Variants in SLC4A10 observed in about 807,000 individuals in gnomAD.
SLC4A10 encodes the protein sodium-driven chloride bicarbonate exchanger.
Under a neutral mutation model 137.7 loss-of-function variants are expected in SLC4A10, and 42 were observed. That is an observed-to-expected ratio of 0.30 (90% CI 0.24 to 0.39). SLC4A10 has a LOEUF of 0.39. Among genes scored for constraint, SLC4A10 ranks in the 10% least tolerant of loss-of-function variants. SLC4A10 has a pLI of 1.00. For synonymous variants in SLC4A10, 474 were observed against 464.1 expected, an observed-to-expected ratio of 1.02 and a Z score of -0.27; for missense variants, 925 against 1,355.0, an observed-to-expected ratio of 0.68 and a Z score of 4.98.
At chr2:161,882,078 A>G (rs1240789179) in intron 9 of SLC4A10, among the ~76,000 whole-genome samples, 4 of 151,778 alleles carry the variant, frequency 2.6e-5, no homozygotes, top group Non-Finnish European at 5.9e-5. Flanking sequence ...TAAAATTCCC[A>G]ATAACAACTG....
At chr2:161,835,060 C>T (rs1352591741) in intron 3 of SLC4A10, among the ~76,000 whole-genome samples, 151 of 140,376 alleles carry the variant, frequency 1.1e-3, no homozygotes, top group African/African-American at 3.6e-3. Context: ...TTTTTTGAGA[C>T]GGAGTCTTGC....
intron 1 of SLC4A10, among the ~76,000 whole-genome samples, chr2:161,629,368 C>A: frequency 6.7e-6 from 1 of 149,144 alleles, no homozygotes; most frequent in African/African-American, 2.5e-5. Flanking sequence ...GTGTGTGTTG[C>A]ATCTTTTATG....
chr2:161,802,189 G>A (rs796454033), intron 2 of SLC4A10, among the ~76,000 whole-genome samples: 3 of 151,970 alleles, frequency 2.0e-5, no homozygotes, highest in Admixed American at 6.6e-5. Flanking sequence ...TTCAGCTTTC[G>A]GTTTGCCAGA....
intron 15 of SLC4A10, among the ~76,000 whole-genome samples, chr2:161,928,014 A>T (rs1416148270): frequency 6.6e-6 from 1 of 150,664 alleles, no homozygotes; most frequent in Non-Finnish European, 1.5e-5. Flanking sequence ...CAGCCATCCC[A>T]TTACTGGGTA....
intron 2 of SLC4A10, among the ~76,000 whole-genome samples, chr2:161,774,275 C>T (rs1446426711): frequency 6.6e-6 from 1 of 151,890 alleles, no homozygotes; most frequent in Non-Finnish European, 1.5e-5. Context: ...AAAATTATTT[C>T]TTCTACTTTC....
At chr2:161,968,790 A>C (rs1378297525) in intron 23 of SLC4A10, among the ~76,000 whole-genome samples, 1 of 152,250 alleles carries the variant, frequency 6.6e-6, no homozygotes, top group Non-Finnish European at 1.5e-5. Context: ...GCTTAGAATT[A>C]GTATTAAAAG....
chr2:161,947,396 A>T (rs1694010108), intron 16 of SLC4A10, among the ~76,000 whole-genome samples, 170 bp from the exon 17 acceptor site: 1 of 152,166 alleles, frequency 6.6e-6, no homozygotes, highest in African/African-American at 2.4e-5. Flanking sequence ...CTCACCACCC[A>T]TCCAAGTTGA....
intron 26 of SLC4A10, among the ~76,000 whole-genome samples, chr2:161,979,449 G>C (rs1026772650): frequency 1.3e-5 from 2 of 152,144 alleles, no homozygotes; most frequent in Non-Finnish European, 2.9e-5. Context: ...CTGACGTGAG[G>C]TTCAGACTAT....
chr2:161,778,073 T>G (rs2052590473), intron 2 of SLC4A10, among the ~76,000 whole-genome samples: 2 of 151,810 alleles, frequency 1.3e-5, no homozygotes, highest in African/African-American at 4.8e-5. Context: ...TAGCAAGTGC[T>G]TATAACATAA....
chr2:161,902,648 G>A (rs970398195), intron 12 of SLC4A10, among the ~76,000 whole-genome samples: 2 of 152,106 alleles, frequency 1.3e-5, no homozygotes, highest in Non-Finnish European at 2.9e-5. Flanking sequence ...TCTAATGGAA[G>A]CAATCACAGG....
rs554390952 is a variant in SLC4A10, at chr2:161,661,442, C to T, written c.48+36876C>T. Among the ~76,000 whole-genome samples the T allele has an allele frequency of 1.5e-3, 232 of 152,354 alleles. 1 individual carries two copies. Among genetic ancestry groups the T allele is most frequent in the African/African-American group, 4.5e-3 (187 of 41,570 alleles). On this transcript the variant is annotated intron_variant, in intron 1 of 26. Transcript: ENST00000446997. ...TGAGCCGAGATTGCACCACTGCACT[C>T]CAGCCTGGCAACAGAGCGAGACTGC...
At chr2:161,771,797 T>G (rs2051647249) in intron 2 of SLC4A10, among the ~76,000 whole-genome samples, 1 of 151,894 alleles carries the variant, frequency 6.6e-6, no homozygotes, top group Non-Finnish European at 1.5e-5. Flanking sequence ...ATTAGCTAAT[T>G]GTTACTAATG....
At chr2:161,940,551 A>G (rs967196846) in intron 15 of SLC4A10, among the ~76,000 whole-genome samples, 3 of 152,186 alleles carry the variant, frequency 2.0e-5, no homozygotes, top group Non-Finnish European at 4.4e-5. Flanking sequence ...CTAGCTCTGA[A>G]GCCGCGCGTC....
At chr2:161,687,491 T>A (rs1482452415) in intron 1 of SLC4A10, among the ~76,000 whole-genome samples, 2 of 152,228 alleles carry the variant, frequency 1.3e-5, no homozygotes, top group Non-Finnish European at 2.9e-5. Context: ...ATGTTTTTCA[T>A]TTTAATTGAC....
At chr2:161,915,694 A>G (rs1312803517) in intron 15 of SLC4A10, among the ~76,000 whole-genome samples, 1 of 152,166 alleles carries the variant, frequency 6.6e-6, no homozygotes, top group East Asian at 1.9e-4. Flanking sequence ...CAGTTCCTGC[A>G]CTTGCTTGTT....
intron 7 of SLC4A10, chr2:161,873,706 G>A: frequency 2.1e-6 from 1 of 467,282 alleles, no homozygotes; most frequent in East Asian, 3.6e-5. Context: ...GTGGGAGGAG[G>A]TGGGAATGGA....
At chr2:161,889,138 TTGA>T (rs1438937614) in intron 10 of SLC4A10, among the ~76,000 whole-genome samples, 2 of 152,180 alleles carry the variant, frequency 1.3e-5, no homozygotes, top group Non-Finnish European at 2.9e-5. Flanking sequence ...TGAACGAGAC[TTGA>T]TGGTGGTGGA....
chr2:161,846,358 T>C (rs2059492394), intron 4 of SLC4A10, among the ~76,000 whole-genome samples: 1 of 152,170 alleles, frequency 6.6e-6, no homozygotes, highest in South Asian at 2.1e-4. Flanking sequence ...ACTAGATCTT[T>C]CATACATTGC....
At chr2:161,705,685 A>G (rs556610268) in intron 1 of SLC4A10, among the ~76,000 whole-genome samples, 1 of 151,712 alleles carries the variant, frequency 6.6e-6, no homozygotes, top group African/African-American at 2.4e-5. Context: ...GGCCCCAGAG[A>G]GTTGCCTTGC....
Sources: allele counts gnomAD v4.1 joint callset (sites outside exome capture counted in the v4.1 genomes callset), GRCh38; gene constraint gnomAD v4.1.1; transcripts MANE v1.5; gene names NCBI Gene and HGNC (gene_info 2026-07-23, HGNC 2026-07-21).